HTRA3: variants seen among roughly 807,000 people sequenced by gnomAD.
The protein encoded by HTRA3 is serine protease HTRA3.
HTRA3 carries 41 observed loss-of-function variants against 43.2 expected under a neutral mutation model. The ratio of observed to expected loss-of-function variants is 0.95; its 90% CI spans 0.74 to 1.23. HTRA3 has a LOEUF of 1.23. Among genes scored for constraint, HTRA3 ranks in the 50% most tolerant of loss-of-function variants. HTRA3 has a pLI of 0.00. For synonymous variants in HTRA3, 295 were observed against 287.9 expected, an observed-to-expected ratio of 1.02 and a Z score of -0.25; for missense variants, 628 against 647.1, an observed-to-expected ratio of 0.97 and a Z score of 0.32.
rs1017270860 is a variant in HTRA3, at chr4:8,306,229, T to C, written c.*93T>C. On this transcript the variant is annotated 3_prime_UTR_variant, in exon 9 of 9. Coordinates refer to ENST00000307358, the MANE Select transcript of HTRA3 (RefSeq NM_053044.5). The surrounding 1 kb of genome is among the most constrained non-coding windows in gnomAD (Gnocchi z 8.9). ...CAGGACGAAGGACCACCGTCGGTCCTCAGCAGGGCGGCAGCCTCCTCCTGG... is the reference window on the plus strand; with the variant it reads ...CAGGACGAAGGACCACCGTCGGTCCCCAGCAGGGCGGCAGCCTCCTCCTGG... 4.4e-6 allele frequency: 6 copies of C among 1,351,656 alleles called. No homozygotes were observed. In the African/African-American group the frequency reaches 7.4e-5, roughly 17 times the overall value. 83.7% of individuals were successfully genotyped at this position (1,351,656 alleles called of 1,614,324 possible).
Position 8,270,413 on chromosome 4 carries a change from G to T in HTRA3, c.385+60G>T, listed in dbSNP as rs930523000. On this transcript the variant is annotated intron_variant, in intron 1 of 8. Transcript: ENST00000307358. Reference sequence around the variant, plus strand: ...TCTTTCTCTTGGGGAAACTAAGGCCGGGAGTTAGGGCCGAGCTCGAGGTCG... The same window carrying T: ...TCTTTCTCTTGGGGAAACTAAGGCCTGGAGTTAGGGCCGAGCTCGAGGTCG... 39 of 1,359,370 alleles carry T rather than the reference G, an allele frequency of 2.9e-5. No individual in the cohort carries two copies. The South Asian group carries it at 3.4e-4, about 12-fold the overall frequency. The allele number at this position is 1,359,370 out of a possible 1,614,324, so 84.2% of individuals were successfully genotyped here. A position where few individuals can be genotyped will look rare whatever the true frequency, so the allele number is the denominator to read the frequency against.
At chr4:8,301,963 A>G (rs998278034) in intron 6 of HTRA3, among the ~76,000 whole-genome samples, 2 of 152,200 alleles carry the variant, frequency 1.3e-5, no homozygotes, top group African/African-American at 4.8e-5. Context: ...TGGGGGATGG[A>G]GACACTATCT....
intron 5 of HTRA3, 138 bp downstream of exon 5, chr4:8,292,491 G>A (rs753805351): frequency 8.1e-5 from 61 of 749,398 alleles, no homozygotes; most frequent in African/African-American, 1.2e-4. Context: ...CAGCTGGGCC[G>A]GAGGCCTGGA....
intron 5 of HTRA3, 118 bp from the exon 6 acceptor site, chr4:8,293,969 G>A: frequency 4.5e-6 from 3 of 662,462 alleles, no homozygotes; most frequent in East Asian, 2.8e-5. Flanking sequence ...GTTGGGGGCT[G>A]TAGGGGGATT....
At position 8,269,829 on chromosome 4, in the gene HTRA3, T is replaced by G; in HGVS notation, c.-140T>G. ...CCTGCCGCCCTGACGCCCGCCAGCC[T>G]GAGCCACCGGCGCATGTGACCGCGC... is the stretch of plus-strand genomic sequence containing the variant. On this transcript the variant is annotated 5_prime_UTR_variant, in exon 1 of 9. Transcript: ENST00000307358. 1 of 232,620 alleles carries G rather than the reference T, an allele frequency of 4.3e-6. No individual in the cohort carries two copies. 14.4% of individuals were successfully genotyped at this position (232,620 alleles called of 1,614,324 possible). A position where few individuals can be genotyped will look rare whatever the true frequency, so the allele number is the denominator to read the frequency against.
Position 8,286,676 on chromosome 4 carries a change from G to A in HTRA3, c.601G>A (p.Gly201Ser). 1 of 1,613,818 alleles carries A rather than the reference G, an allele frequency of 6.2e-7. No homozygotes were observed. Among genetic ancestry groups the A allele is most frequent in the Non-Finnish European group, 8.5e-7 (1 of 1,179,720 alleles). ...GGTGTCCAGCAACAGTGCTGCCCCG[G>A]GCAGGCAGCAGCTCAAGGTGCAGCT... The part of the protein sequence containing the change: ...HVVSSNSAAP[G>S]RQQLKVQLQN... Residue 201 changes from glycine (G) to serine (S), a missense_variant, in exon 3 of 9, where the codon GGC (glycine) becomes AGC (serine). Physicochemically the swap from Gly to Ser is moderately conservative, Grantham distance 56 (BLOSUM62 0). Coordinates refer to ENST00000307358, the MANE Select transcript of HTRA3 (RefSeq NM_053044.5). The surrounding 1 kb of genome is among the most constrained non-coding windows in gnomAD (Gnocchi z 4.9).
Position 8,295,689 on chromosome 4 carries a change from T to C in HTRA3, c.1051+1488T>C. 7.0e-7 allele frequency: 1 copy of C among 1,420,278 alleles called. No individual in the cohort carries two copies. Among genetic ancestry groups the C allele is most frequent in the Non-Finnish European group, 9.2e-7 (1 of 1,085,068 alleles). 88.0% of individuals were successfully genotyped at this position (1,420,278 alleles called of 1,614,324 possible). On this transcript the variant is annotated intron_variant, in intron 6 of 8. Coordinates refer to ENST00000307358, the MANE Select transcript of HTRA3 (RefSeq NM_053044.5). This position sits in a 1 kb window ranked among gnomAD's most constrained non-coding sequence, Gnocchi z 6.9. ...ACTTCCACATTGCTTTGCTGTCTCC[T>C]CCCAGCCCCCTCACTGGCAGTTCAT...
intron 2 of HTRA3, among the ~76,000 whole-genome samples, chr4:8,283,013 C>G (rs1324813576): frequency 6.6e-6 from 1 of 152,128 alleles, no homozygotes; most frequent in Admixed American, 6.5e-5. Context: ...ACCCCGGGAG[C>G]TGGGCCAGTG....
At position 8,270,148 on chromosome 4, in the gene HTRA3, G is replaced by A; in HGVS notation, c.180G>A (p.Glu60=). ...TGGTGTGCGCCGCCAGCGAGGGCGA[G>A]CCCTGTGGCGGCCCTCTGGACTCGC... ...CCLVCAASEG[E]PCGGPLDSPC... Residue 60 remains glutamate (E), a synonymous_variant, in exon 1 of 9, where the codon GAG becomes GAA. Transcript: ENST00000307358. 2 of 1,544,174 alleles carry A rather than the reference G, an allele frequency of 1.3e-6. No homozygotes were observed. The highest frequency in any genetic ancestry group is 1.2e-5 in the South Asian group (1 of 85,144).
chr4:8,288,204 G>A (rs1476955620), intron 3 of HTRA3, among the ~76,000 whole-genome samples: 3 of 152,204 alleles, frequency 2.0e-5, no homozygotes, highest in Non-Finnish European at 4.4e-5. Context: ...TTGAGTCTGG[G>A]GGCATCACCT....
At chr4:8,290,992 A>G (rs1294199525) in intron 3 of HTRA3, among the ~76,000 whole-genome samples, 1 of 152,194 alleles carries the variant, frequency 6.6e-6, no homozygotes, top group East Asian at 1.9e-4. Context: ...TGTGGTGCAT[A>G]TGGTGTAGTA....
intron 1 of HTRA3, among the ~76,000 whole-genome samples, chr4:8,270,784 A>AT (rs1338218742): frequency 6.6e-6 from 1 of 152,050 alleles, no homozygotes; most frequent in Non-Finnish European, 1.5e-5. Context: ...GGTTAAGTGC[A>AT]TGTCTCCACA....
At chr4:8,302,183 A>C (rs1713677472) in intron 6 of HTRA3, among the ~76,000 whole-genome samples, 1 of 152,086 alleles carries the variant, frequency 6.6e-6, no homozygotes, top group African/African-American at 2.4e-5. Context: ...CAGCTGGGAG[A>C]GCAGATGTCG....
intron 7 of HTRA3, among the ~76,000 whole-genome samples, chr4:8,302,750 T>C (rs1352609874): frequency 6.6e-6 from 1 of 152,242 alleles, no homozygotes; most frequent in African/African-American, 2.4e-5. Flanking sequence ...CTATAACAAA[T>C]TACTATAAGC....
chr4:8,290,005 C>T (rs548366583), intron 3 of HTRA3, among the ~76,000 whole-genome samples: 69 of 152,192 alleles, frequency 4.5e-4, no homozygotes, highest in Non-Finnish European at 9.1e-4. Context: ...ACGGGCTGAC[C>T]CTCCTCAGTT....
At chr4:8,298,105 C>T (rs1713522723) in intron 6 of HTRA3, among the ~76,000 whole-genome samples, 1 of 152,206 alleles carries the variant, frequency 6.6e-6, no homozygotes, top group African/African-American at 2.4e-5. Flanking sequence ...TGGACCGTTA[C>T]CTCTCTGGGC....
rs764288506 is a variant in HTRA3 at position 8,302,516 on chromosome 4, G to A, written c.1100+5G>A. ...GATGCGGACGATCACACCAAGGTGA[G>A]TGTCTGAAGAGTGCCATCCCCTGCT... On this transcript the variant is annotated splice_donor_5th_base_variant and intron_variant, in intron 7 of 8. Coordinates refer to ENST00000307358, the MANE Select transcript of HTRA3 (RefSeq NM_053044.5). 1.2e-6 allele frequency: 2 copies of A among 1,613,772 alleles called. No individual in the cohort carries two copies. Among genetic ancestry groups the A allele is most frequent in the Non-Finnish European group, 1.7e-6 (2 of 1,179,742 alleles).
chr4:8,290,948 G>A (rs1465462232), intron 3 of HTRA3, among the ~76,000 whole-genome samples: 5 of 152,218 alleles, frequency 3.3e-5, no homozygotes, highest in Non-Finnish European at 7.3e-5. Context: ...CCAGTTGTCT[G>A]CAGATCTCTC....
Position 8,306,198 on chromosome 4 carries a change from C to G in HTRA3, c.*62C>G. ...CAGACAACGGAGGGCAGCGCCCCCC[C>G]GAGATCAGGACGAAGGACCACCGTC... On this transcript the variant is annotated 3_prime_UTR_variant, in exon 9 of 9. Transcript: ENST00000307358. This position sits in a 1 kb window ranked among gnomAD's most constrained non-coding sequence, Gnocchi z 8.9. 1.3e-6 allele frequency: 2 copies of G among 1,489,898 alleles called. No homozygotes were observed. The highest frequency in any genetic ancestry group is 1.3e-5 in the South Asian group (1 of 75,820). 92.3% of individuals were successfully genotyped at this position (1,489,898 alleles called of 1,614,324 possible). A position where few individuals can be genotyped will look rare whatever the true frequency, so the allele number is the denominator to read the frequency against.
Sources: allele counts gnomAD v4.1 joint callset (sites outside exome capture counted in the v4.1 genomes callset), GRCh38; gene constraint gnomAD v4.1.1; non-coding constraint Gnocchi (gnomAD v3.1); transcripts MANE v1.5; gene names NCBI Gene and HGNC (gene_info 2026-07-23, HGNC 2026-07-21).